The following SBF2 variants were observed in gnomAD, a reference collection of about 807,000 sequenced individuals.
SBF2 encodes SET binding factor 2.
Under a neutral mutation model 225.2 loss-of-function variants are expected in SBF2, and 112 were observed. The ratio of observed to expected loss-of-function variants is 0.50; its 90% confidence interval spans 0.43 to 0.58. SBF2 has a LOEUF of 0.58. Ranked by LOEUF, SBF2 falls within the 20% of genes least tolerant of loss-of-function variation. The pLI is 0.00. For synonymous variants in SBF2, 763 were observed against 773.3 expected, an observed-to-expected ratio of 0.99 and a Z score of 0.22; for missense variants, 1,996 against 2,206.2, an observed-to-expected ratio of 0.90 and a Z score of 1.91.
chr11:10,004,574 T>TAAAAA (rs763688115), intron 6 of SBF2, among the ~76,000 whole-genome samples: 3,318 of 85,194 alleles, frequency 0.039, 126 homozygotes, highest in Middle Eastern at 0.08. Flanking sequence ...CTACAAAAAT[T>TAAAAA]AAAAAAAAAA....
Position 10,002,684 on chromosome 11 carries a change from G to C in SBF2, c.625C>G (p.Gln209Glu). ...GCACAAAAGAGGCTGAGGACATTTT[G>C]AATTCCTGAAAACATAAGAGCAAGG... ...VALLFQQLGI[Q>E]NVLSLFCAVL... Residue 209 changes from glutamine (Q) to glutamate (E), a missense_variant, in exon 7 of 40, where the codon CAA becomes GAA. Transcript: ENST00000256190. 2 of 1,613,132 alleles carry C rather than the reference G, an allele frequency of 1.2e-6. No homozygotes were observed. The highest frequency in any genetic ancestry group is 1.1e-5 in the South Asian group (1 of 91,068).
intron 2 of SBF2, among the ~76,000 whole-genome samples, chr11:10,192,414 G>A (rs1957208365): frequency 6.6e-6 from 1 of 152,062 alleles, no homozygotes; most frequent in Non-Finnish European, 1.5e-5. Context: ...TATTAGCTAC[G>A]ACGAGAAAAT....
chr11:9,851,132 T>C (rs1386801951), intron 21 of SBF2, among the ~76,000 whole-genome samples: 2 of 101,978 alleles, frequency 2.0e-5, no homozygotes, highest in Non-Finnish European at 4.3e-5. Context: ...CAAGACTCCA[T>C]CTCAAAAAAA....
At chr11:10,124,517 G>T (rs1163172795) in intron 2 of SBF2, among the ~76,000 whole-genome samples, 1 of 152,124 alleles carries the variant, frequency 6.6e-6, no homozygotes, top group African/African-American at 2.4e-5. Flanking sequence ...AACTATATAA[G>T]TCCCTATTAT....
At chr11:9,809,064 G>A in intron 30 of SBF2, 62 bp from the exon 31 acceptor site, 1 of 1,287,098 alleles carries the variant, frequency 7.8e-7, no homozygotes, top group Non-Finnish European at 1.1e-6. Flanking sequence ...AAGTCAGAGA[G>A]AGTTGCTTTC....
chr11:10,144,239 G>C (rs535742450), intron 2 of SBF2, among the ~76,000 whole-genome samples: 1 of 152,260 alleles, frequency 6.6e-6, no homozygotes, highest in South Asian at 2.1e-4. Flanking sequence ...TATAATCCCA[G>C]CACTTTGGGA....
At chr11:9,958,546 G>C (rs1866346752) in intron 16 of SBF2, 1 of 168,190 alleles carries the variant, frequency 5.9e-6, no homozygotes, top group Non-Finnish European at 1.3e-5. Context: ...TTTTAGTAGA[G>C]ACGGGGTTTC....
At chr11:10,202,913 T>C (rs1020857228) in intron 1 of SBF2, among the ~76,000 whole-genome samples, 8 of 151,906 alleles carry the variant, frequency 5.3e-5, no homozygotes, top group African/African-American at 1.9e-4. Context: ...AAAACAATGG[T>C]TTTCAGACAC....
At chr11:9,916,969 C>T (rs1863151378) in intron 16 of SBF2, among the ~76,000 whole-genome samples, 1 of 151,522 alleles carries the variant, frequency 6.6e-6, no homozygotes, top group African/African-American at 2.4e-5. Context: ...CTTCTGTAAC[C>T]CCCACCCTTA....
intron 16 of SBF2, among the ~76,000 whole-genome samples, chr11:9,902,486 G>A (rs1197434046): frequency 6.6e-6 from 1 of 152,102 alleles, no homozygotes; most frequent in Non-Finnish European, 1.5e-5. Flanking sequence ...TACAATTTCT[G>A]TCTCCCTAGA....
chr11:9,943,801 C>A (rs1865417854), intron 16 of SBF2, among the ~76,000 whole-genome samples: 2 of 152,144 alleles, frequency 1.3e-5, no homozygotes, highest in Non-Finnish European at 2.9e-5. Flanking sequence ...ATTTGTAATA[C>A]CATTTTGGAA....
chr11:10,020,190 A>G (rs917335349), intron 6 of SBF2, among the ~76,000 whole-genome samples: 4 of 152,132 alleles, frequency 2.6e-5, no homozygotes, highest in South Asian at 4.1e-4. Flanking sequence ...CAGCTTCCTG[A>G]TAAGAGCTCA....
chr11:9,877,538 C>T (rs958064894), intron 17 of SBF2, among the ~76,000 whole-genome samples: 4 of 152,084 alleles, frequency 2.6e-5, no homozygotes, highest in African/African-American at 9.7e-5. Flanking sequence ...TAATGCTATC[C>T]CTACCCCAAT....
intron 1 of SBF2, among the ~76,000 whole-genome samples, chr11:10,251,469 C>G (rs761167824): frequency 6.6e-6 from 1 of 152,204 alleles, no homozygotes; most frequent in Non-Finnish European, 1.5e-5. Context: ...TGTGCAGCTA[C>G]TGACACTTGT....
Position 9,817,023 on chromosome 11 carries a change from A to G in SBF2, c.3795T>C (p.Gly1265=). Reference sequence around the variant, plus strand: ...TGCTAGAGCGAAGACTTGCCCACACACCTTCACAAAAGCCAAAGTCGTGGA... The same window carrying G: ...TGCTAGAGCGAAGACTTGCCCACACGCCTTCACAAAAGCCAAAGTCGTGGA... ...TVRPAFALSP[G]VWASLRSSTR... The change falls in exon 29 of 40, where the codon GGT becomes GGC. Residue 1265 remains glycine (G), a splice_region_variant and synonymous_variant. Transcript: ENST00000256190. 1 of 1,614,040 alleles carries G rather than the reference A, an allele frequency of 6.2e-7. No individual in the cohort carries two copies. The highest frequency in any genetic ancestry group is 8.5e-7 in the Non-Finnish European group (1 of 1,180,002).
intron 17 of SBF2, among the ~76,000 whole-genome samples, chr11:9,882,060 CAACAT>C (rs1697138271): frequency 1.3e-5 from 2 of 152,168 alleles, no homozygotes; most frequent in African/African-American, 4.8e-5. Context: ...GATCTTTACA[CAACAT>C]AATGAGTCAA....
At chr11:10,104,726 T>A (rs575754358) in intron 2 of SBF2, among the ~76,000 whole-genome samples, 6 of 152,312 alleles carry the variant, frequency 3.9e-5, no homozygotes, top group African/African-American at 1.4e-4. Context: ...GGAGACAGAT[T>A]CTTATTGCTT....
chr11:10,028,657 T>C (rs933484148), intron 5 of SBF2, 100 bp from the exon 6 acceptor site: 11 of 808,630 alleles, frequency 1.4e-5, no homozygotes, highest in Non-Finnish European at 1.7e-5. Context: ...CAAACGACCA[T>C]GTAAGATCCA....
intron 2 of SBF2, among the ~76,000 whole-genome samples, chr11:10,080,664 A>C (rs1951330737): frequency 6.6e-6 from 1 of 152,212 alleles, no homozygotes; most frequent in African/African-American, 2.4e-5. Flanking sequence ...TAAAAGATAC[A>C]GATTCGTGGA....
Sources: allele counts gnomAD v4.1 joint callset (sites outside exome capture counted in the v4.1 genomes callset), GRCh38; gene constraint gnomAD v4.1.1; transcripts MANE v1.5; gene names NCBI Gene and HGNC (gene_info 2026-07-23, HGNC 2026-07-21).